The following TRPS1 variants were observed in gnomAD, a reference collection of about 807,000 sequenced individuals.
TRPS1 encodes the protein zinc finger transcription factor Trps1.
A neutral mutation model predicts 101.2 loss-of-function variants in TRPS1; 6 were observed. That is an observed-to-expected ratio of 0.06 (90% CI 0.03 to 0.12). TRPS1 has a LOEUF of 0.12. Among genes scored for constraint, TRPS1 ranks in the 10% least tolerant of loss-of-function variants. The pLI, the probability that TRPS1 is intolerant of heterozygous loss-of-function variation, is 1.00. For missense variants in TRPS1, 1,363 were observed against 1,567.0 expected (o/e 0.87, Z 2.20); for synonymous variants, 578 against 589.8 (o/e 0.98, Z 0.29).
intron 5 of TRPS1, among the ~76,000 whole-genome samples, chr8:115,534,766 A>AT (rs1482593370): frequency 5.9e-5 from 9 of 152,174 alleles, no homozygotes; most frequent in African/African-American, 2.2e-4. Context: ...TTGGAATGAG[A>AT]TTCAAGCAGC....
chr8:115,567,639 A>G (rs1331818976), intron 5 of TRPS1, among the ~76,000 whole-genome samples: 2 of 152,142 alleles, frequency 1.3e-5, no homozygotes, highest in Non-Finnish European at 2.9e-5. Context: ...AAAATATTCC[A>G]AATATCTAAA....
At chr8:115,668,220 G>A in intron 1 of TRPS1, 1 of 413,074 alleles carries the variant, frequency 2.4e-6, no homozygotes, top group Non-Finnish European at 4.3e-6. Context: ...GGAGAGGAAG[G>A]GGGAAAAAGG....
rs151213556 is a variant in TRPS1 at position 115,528,745 on chromosome 8, G to A, written c.2700+58256C>T. Among the ~76,000 whole-genome samples the A allele has an allele frequency of 3.5e-3, 529 of 151,970 alleles. 2 individuals are homozygous for A. The highest frequency in any genetic ancestry group is 7.2e-3 in the Admixed American group (109 of 15,240). On this transcript the variant is annotated intron_variant, in intron 5 of 6. Transcript: ENST00000395715. ...TTATTATAAATAGTCTCTAGATGAC[G>A]TATAAAATCTCATCTAGAGGCATAT... is the stretch of plus-strand genomic sequence containing the variant.
intron 5 of TRPS1, among the ~76,000 whole-genome samples, chr8:115,538,462 G>A (rs1341184423): frequency 6.6e-6 from 1 of 152,070 alleles, no homozygotes; most frequent in Non-Finnish European, 1.5e-5. Flanking sequence ...GCACCATTTG[G>A]TGCTTCTCAG....
intron 5 of TRPS1, among the ~76,000 whole-genome samples, chr8:115,457,336 A>G (rs1306305752): frequency 2.0e-5 from 3 of 152,222 alleles, no homozygotes; most frequent in African/African-American, 7.2e-5. Context: ...GGACATCATT[A>G]TGTTAAGTGA....
intron 4 of TRPS1, among the ~76,000 whole-genome samples, chr8:115,591,019 G>A (rs1332690606): frequency 1.3e-5 from 2 of 151,936 alleles, no homozygotes; most frequent in Admixed American, 6.6e-5. Flanking sequence ...TTTGCTTTAG[G>A]ACATGGCCCA....
chr8:115,414,667 T>C lies in TRPS1; in HGVS notation c.3241A>G (p.Ile1081Val), dbSNP rs778894376. The C allele has an allele frequency of 1.9e-6, 3 of 1,614,064 alleles. No homozygotes were observed. The highest frequency in any genetic ancestry group is 2.5e-6 in the Non-Finnish European group (3 of 1,179,950). The part of the protein sequence containing the change: ...GKGSSERGSP[I>V]EKYMRPAKHP... ...TTCGCAGGTCTCATGTACTTTTCTA[T>C]AGGACTGCCTCTCTCAGAACTTCCT... Residue 1081 changes from isoleucine to valine, a missense_variant, in exon 7 of 7, where the codon ATA becomes GTA. Around this residue, in one of 5 missense-constraint regions of TRPS1, gnomAD observed 307 missense variants for 392.4 expected, o/e 0.78. Coordinates refer to ENST00000395715, the MANE Select transcript of TRPS1 (RefSeq NM_014112.5). The surrounding 1 kb of genome is among the most constrained non-coding windows in gnomAD (Gnocchi z 4.8).
chr8:115,493,073 A>T (rs1483684143), intron 5 of TRPS1, among the ~76,000 whole-genome samples: 1 of 152,080 alleles, frequency 6.6e-6, no homozygotes, highest in African/African-American at 2.4e-5. Context: ...AAGACTGGTC[A>T]AGTCTGTAAG....
At chr8:115,424,303 C>T (rs1011678478) in intron 5 of TRPS1, among the ~76,000 whole-genome samples, 2 of 152,118 alleles carry the variant, frequency 1.3e-5, no homozygotes, top group East Asian at 3.8e-4. Context: ...AAAGTCTTTG[C>T]AACATTCATG....
intron 5 of TRPS1, among the ~76,000 whole-genome samples, chr8:115,445,834 A>C (rs1187265226): frequency 1.3e-5 from 2 of 152,214 alleles, no homozygotes; most frequent in Non-Finnish European, 2.9e-5. Context: ...ATGTAAAAAA[A>C]CTTACCTATA....
intron 5 of TRPS1, among the ~76,000 whole-genome samples, chr8:115,535,078 A>ATATAGCATATATATCGCATATG (rs1229646502): frequency 5.4e-5 from 8 of 147,822 alleles, no homozygotes; most frequent in Non-Finnish European, 1.2e-4. Flanking sequence ...ATAAGCATAT[A>ATATAGCATATATATCGCATATG]TATAGCATAT....
intron 5 of TRPS1, among the ~76,000 whole-genome samples, chr8:115,573,131 A>G (rs539917984): frequency 1.4e-4 from 21 of 149,494 alleles, no homozygotes; most frequent in African/African-American, 4.6e-4. Flanking sequence ...TCTCAAAAGA[A>G]AAAAAAAAAA....
At position 115,580,245 on chromosome 8, in the gene TRPS1, A is replaced by AAAAT. The variant is rs1554591592; in HGVS notation, c.2700+6755_2700+6756insATTT. On this transcript the variant is annotated intron_variant, in intron 5 of 6. Transcript: ENST00000395715. The stretch of plus-strand genomic sequence containing the variant: ...TGGAAGGGAGAGAAGAAAAAAAAAA[A>AAAAT]ATATATATATATATATATATGAGAG... Among the ~76,000 whole-genome samples, 1,265 of 139,788 alleles carry AAAAT rather than the reference A, an allele frequency of 9.0e-3. 14 individuals are homozygous for AAAAT. Among genetic ancestry groups the AAAAT allele is most frequent in the African/African-American group, 0.027 (995 of 37,242 alleles). 91.7% of individuals were successfully genotyped at this position (139,788 alleles called of 152,430 possible).
intron 5 of TRPS1, among the ~76,000 whole-genome samples, chr8:115,491,618 GT>G (rs1260997529): frequency 1.3e-5 from 2 of 151,596 alleles, no homozygotes; most frequent in Non-Finnish European, 2.9e-5. Context: ...GCGAGACCTG[GT>G]AGAAAAGAAA....
intron 3 of TRPS1, among the ~76,000 whole-genome samples, chr8:115,618,197 A>G (rs1486485473): frequency 1.3e-5 from 2 of 152,182 alleles, no homozygotes; most frequent in Non-Finnish European, 2.9e-5. Flanking sequence ...TAGTAAAGCT[A>G]ATATGTTTTG....
chr8:115,533,968 C>T (rs1586373439), intron 5 of TRPS1, among the ~76,000 whole-genome samples: 1 of 152,134 alleles, frequency 6.6e-6, no homozygotes, highest in East Asian at 1.9e-4. Flanking sequence ...CTTAAAAGCC[C>T]CATCCCGAAA....
At position 115,452,994 on chromosome 8, in the gene TRPS1, A is replaced by C. The variant is rs577110181; in HGVS notation, c.2701-34542T>G. On this transcript the variant is annotated intron_variant, in intron 5 of 6. Transcript: ENST00000395715. The stretch of plus-strand genomic sequence containing the variant: ...GTGAGCATTTGTGAAACAGTATAGT[A>C]ATAAAATAATTTTGCTTGTCCTCCA... Among the ~76,000 whole-genome samples, 12 of 152,266 alleles carry C rather than the reference A, an allele frequency of 7.9e-5. No individual in the cohort carries two copies. The South Asian group carries it at 2.5e-3, about 32-fold the overall frequency.
chr8:115,561,168 T>C (rs1816936739), intron 5 of TRPS1, among the ~76,000 whole-genome samples: 1 of 152,162 alleles, frequency 6.6e-6, no homozygotes, highest in Non-Finnish European at 1.5e-5. Flanking sequence ...TACACCAATT[T>C]TTGAAATGCT....
chr8:115,453,913 A>C (rs1055628806), intron 5 of TRPS1, among the ~76,000 whole-genome samples: 1 of 152,202 alleles, frequency 6.6e-6, no homozygotes, highest in African/African-American at 2.4e-5. Context: ...CTTGTAAGGA[A>C]ATGTATTCAT....
Sources: gnomAD v4.1 joint callset for allele counts (sites outside exome capture counted in the v4.1 genomes callset) on GRCh38, gnomAD v4.1.1 for gene constraint, gnomAD v4.1.1 regional missense constraint, Gnocchi (gnomAD v3.1) non-coding constraint, MANE v1.5 for transcripts, NCBI Gene and HGNC (gene_info 2026-07-23, HGNC 2026-07-21) for gene names.